The following ADCY7 variants were observed in gnomAD, a reference collection of about 807,000 sequenced individuals.
ADCY7 encodes adenylate cyclase 7.
ADCY7 carries 72 observed loss-of-function variants against 120.6 expected under a neutral mutation model. The ratio of observed to expected loss-of-function variants is 0.60; its 90% CI spans 0.49 to 0.73. The LOEUF (loss-of-function observed/expected upper bound fraction) is 0.73. ADCY7 is among the 30% of genes least tolerant of loss of function. The pLI is 0.00. For missense variants in ADCY7, 1,227 were observed against 1,486.0 expected, an observed-to-expected ratio of 0.83 and a Z score of 2.87; for synonymous variants, 661 against 628.0, an observed-to-expected ratio of 1.05 and a Z score of -0.78.
In ADCY7 at chr16:50,288,326, CA is replaced by C. The variant is rs1042132967; in HGVS notation, c.148del (p.Ile50SerfsTer33). 1 of 1,549,684 alleles carries C rather than the reference CA, an allele frequency of 6.5e-7. No homozygotes were observed. The highest frequency in any genetic ancestry group is 8.7e-7 in the Non-Finnish European group (1 of 1,146,124). ...TGGCCGCCACTGCCTGCGTGGCCCT[CA>C]TCATCATTGCCTTCAGCCAGGGGGT... ...LVAATACVAL[I>X]IIAFSQGDPS... On this transcript the variant is annotated frameshift_variant, in exon 2 of 26. Coordinates refer to ENST00000673801, the MANE Select transcript of ADCY7 (RefSeq NM_001114.5). LOFTEE classifies it high-confidence loss of function.
chr16:50,257,311 AG>A (rs2032943544), intron 1 of ADCY7, among the ~76,000 whole-genome samples: 1 of 137,266 alleles, frequency 7.3e-6, no homozygotes, highest in African/African-American at 2.7e-5. Context: ...TGTGTAGGTA[AG>A]GGGGGCAGGG....
At chr16:50,244,704 T>G (rs1426445505), upstream of ADCY7, among the ~76,000 whole-genome samples, 1 of 152,226 alleles carries the variant, frequency 6.6e-6, no homozygotes, top group African/African-American at 2.4e-5. Flanking sequence ...TCTTCACTGC[T>G]GCCGGGATTC....
Position 50,294,620 on chromosome 16 carries a change from C to T in ADCY7, c.837-20C>T, listed in dbSNP as rs1426350662. 1.5e-6 allele frequency: 2 copies of T among 1,326,346 alleles called. No individual in the cohort carries two copies. Among genetic ancestry groups the T allele is most frequent in the Non-Finnish European group, 2.2e-6 (2 of 926,268 alleles). 82.2% of individuals were successfully genotyped at this position (1,326,346 alleles called of 1,614,324 possible). On this transcript the variant is annotated intron_variant, in intron 6 of 25. Coordinates refer to ENST00000673801, the MANE Select transcript of ADCY7 (RefSeq NM_001114.5). ...AGGAGCCTGGCTCTGACACTCCCTC[C>T]CACCCTGCCCCATCCCCAGCATCCT...
intron 25 of ADCY7, 46 bp downstream of exon 25, chr16:50,315,184 C>T (rs779687436): frequency 6.2e-7 from 1 of 1,607,430 alleles, no homozygotes; most frequent in Admixed American, 1.7e-5. Context: ...AAAAGATCTT[C>T]CCCAGAGGTG....
rs749104247 is a variant in ADCY7, at chr16:50,305,586, G to A, written c.1679G>A (p.Arg560Lys). The change falls in exon 13 of 26, where the codon AGG (arginine) becomes AAG (lysine). Residue 560 changes from arginine (R) to lysine (K), a missense_variant and splice_region_variant. Arg to Lys is a conservative substitution (Grantham distance 26, BLOSUM62 2). Around this residue, in one of 5 missense-constraint regions of ADCY7, gnomAD observed 332 missense variants for 455.8 expected, o/e 0.73. Coordinates refer to ENST00000673801, the MANE Select transcript of ADCY7 (RefSeq NM_001114.5). ...GCCATTGAGGGGCTCAGCTCCACGA[G>A]GTGAGGTCTGAGACCTCTGTCCACC... ...LSAIEGLSST[R>K]PCCSKSDDFY... 1 of 1,596,866 alleles carries A rather than the reference G, an allele frequency of 6.3e-7. No individual in the cohort carries two copies. The highest frequency in any genetic ancestry group is 8.5e-7 in the Non-Finnish European group (1 of 1,170,226).
chr16:50,290,074 G>C (rs1405518244), intron 2 of ADCY7, among the ~76,000 whole-genome samples: 1 of 152,256 alleles, frequency 6.6e-6, no homozygotes, highest in African/African-American at 2.4e-5. Context: ...CTGAGGGCCA[G>C]GCGCAGTGTC....
intron 17 of ADCY7, chr16:50,309,101 C>A (rs1596981590): frequency 5.7e-6 from 2 of 349,098 alleles, no homozygotes. Flanking sequence ...CAGGGATGAA[C>A]CCTTGCTCCT....
intron 25 of ADCY7, 80 bp downstream of exon 25, chr16:50,315,218 C>T (rs2036739765): frequency 8.9e-6 from 14 of 1,581,486 alleles, no homozygotes; most frequent in Non-Finnish European, 1.2e-5. Context: ...TTAAGAGCTG[C>T]TGTCTCACCC....
intron 1 of ADCY7, among the ~76,000 whole-genome samples, chr16:50,258,675 C>A (rs926516091): frequency 6.6e-6 from 1 of 151,634 alleles, no homozygotes; most frequent in African/African-American, 2.4e-5. Context: ...CTCACTGCAG[C>A]CTTGACCTCC....
chr16:50,267,012 C>T (rs931383188), intron 1 of ADCY7, among the ~76,000 whole-genome samples: 2 of 152,164 alleles, frequency 1.3e-5, no homozygotes, highest in African/African-American at 4.8e-5. Flanking sequence ...CACTCCTTCT[C>T]GAGGGTGTAA....
rs777814438 is a variant in ADCY7 at position 50,310,693 on chromosome 16, A to G, written c.2167A>G (p.Thr723Ala). 2.5e-6 allele frequency: 4 copies of G among 1,613,814 alleles called. No individual in the cohort carries two copies. The highest frequency in any genetic ancestry group is 3.4e-6 in the Non-Finnish European group (4 of 1,179,894). ...TGACACCCTGCCCCCTCAGTACTAC[A>G]CCTGCAGCTGTGTCCTGGGCTTCAT... ...RALCEPLPYY[T>A]CSCVLGFIAC... The change falls in exon 19 of 26, where the codon ACC becomes GCC. Residue 723 changes from threonine to alanine, a missense_variant. Transcript: ENST00000673801.
rs192726113 is a variant in ADCY7, at chr16:50,311,286, C to T, written c.2354+406C>T. Reference sequence around the variant, plus strand: ...TCTGGGTCCCAAGTGGATTAAGGAGCGGACCTGGCCCCCCTAAACAAAAAA... The same window carrying T: ...TCTGGGTCCCAAGTGGATTAAGGAGTGGACCTGGCCCCCCTAAACAAAAAA... On this transcript the variant is annotated intron_variant, in intron 19 of 25. Coordinates refer to ENST00000673801, the MANE Select transcript of ADCY7 (RefSeq NM_001114.5). 2.8e-3 allele frequency among the ~76,000 whole-genome samples: 431 copies of T among 152,202 alleles called. 3 individuals are homozygous for T. The highest frequency in any genetic ancestry group is 4.5e-3 in the Non-Finnish European group (305 of 67,990).
Position 50,294,161 on chromosome 16 carries a change from A to G in ADCY7, c.837-479A>G, listed in dbSNP as rs138059461. On this transcript the variant is annotated intron_variant, in intron 6 of 25. Transcript: ENST00000673801. ...GCTCTTGGCTTCCCAGCAAGTCTCAATGTCCTGGAGCCTCAGTTTGTGCAT... is the reference window on the plus strand; with the variant it reads ...GCTCTTGGCTTCCCAGCAAGTCTCAGTGTCCTGGAGCCTCAGTTTGTGCAT... 2.8e-3 allele frequency among the ~76,000 whole-genome samples: 427 copies of G among 152,266 alleles called. 3 individuals carry two copies. The highest frequency in any genetic ancestry group is 9.9e-3 in the African/African-American group (412 of 41,540).
chr16:50,264,833 C>CTTTT (rs34527039), upstream of ADCY7, among the ~76,000 whole-genome samples: 1 of 110,328 alleles, frequency 9.1e-6, no homozygotes, highest in Non-Finnish European at 1.8e-5. Flanking sequence ...TGTGGGAGGT[C>CTTTT]TTTTTTTTTT....
chr16:50,313,842 T>C, intron 22 of ADCY7, 116 bp from the exon 23 acceptor site: 1 of 770,580 alleles, frequency 1.3e-6, no homozygotes, highest in Non-Finnish European at 2.2e-6. Context: ...CCATGAGACG[T>C]GTGTGCGAGA....
chr16:50,265,189 G>A (rs1005550821), upstream of ADCY7, among the ~76,000 whole-genome samples: 3 of 152,214 alleles, frequency 2.0e-5, no homozygotes, highest in African/African-American at 4.8e-5. Context: ...CATATAGGAT[G>A]TGACTTTCTC....
intron 1 of ADCY7, among the ~76,000 whole-genome samples, chr16:50,269,501 C>T (rs561581895): frequency 2.6e-5 from 4 of 152,324 alleles, no homozygotes; most frequent in Admixed American, 6.5e-5. Flanking sequence ...AGAGGTAGGA[C>T]GAGGCCTTCT....
At chr16:50,246,988 G>T (rs556690138) in intron 1 of ADCY7, among the ~76,000 whole-genome samples, 1 of 152,360 alleles carries the variant, frequency 6.6e-6, no homozygotes, top group Non-Finnish European at 1.5e-5. Flanking sequence ...ATGAGGAACA[G>T]GATACCCTGT....
rs1009576056 is a variant in ADCY7 at position 50,297,794 on chromosome 16, C to T, written c.949-1110C>T. Among the ~76,000 whole-genome samples, 1 of 152,170 alleles carries T rather than the reference C, an allele frequency of 6.6e-6. No homozygotes were observed. The highest frequency in any genetic ancestry group is 2.4e-5 in the African/African-American group (1 of 41,454). On this transcript the variant is annotated intron_variant, in intron 7 of 25. Coordinates refer to ENST00000673801, the MANE Select transcript of ADCY7 (RefSeq NM_001114.5). The surrounding 1 kb of genome is among the most constrained non-coding windows in gnomAD (Gnocchi z 4.4). ...GCCCTCGTGAGCCTGCAGGACAGAGCCCTCTTAGCTCCCTCCTGGCCAGAA... is the reference window on the plus strand; with the variant it reads ...GCCCTCGTGAGCCTGCAGGACAGAGTCCTCTTAGCTCCCTCCTGGCCAGAA...
Sources: allele counts gnomAD v4.1 joint callset (sites outside exome capture counted in the v4.1 genomes callset), GRCh38; gene constraint gnomAD v4.1.1; regional missense constraint gnomAD v4.1.1; non-coding constraint Gnocchi (gnomAD v3.1); transcripts MANE v1.5; gene names NCBI Gene and HGNC (gene_info 2026-07-23, HGNC 2026-07-21).